Variants in OTUD7A observed in about 807,000 individuals in gnomAD.
OTUD7A encodes the protein OTU deubiquitinase 7A.
In OTUD7A, 12 loss-of-function variants were observed where a neutral mutation model predicts 65.7. The ratio of observed to expected loss-of-function variants is 0.18; its 90% CI spans 0.12 to 0.30. The LOEUF (loss-of-function observed/expected upper bound fraction) is 0.30, where lower values mean the gene tolerates loss of function less well. Among genes scored for constraint, OTUD7A ranks in the 10% least tolerant of loss-of-function variants. The probability of loss-of-function intolerance (pLI) is 1.00; values close to 1 mark genes in which losing one functional copy is unlikely to be tolerated. For synonymous variants in OTUD7A, 641 were observed against 586.3 expected (o/e 1.09, Z -1.35); for missense variants, 1,148 against 1,304.8 (o/e 0.88, Z 1.85).
intron 3 of OTUD7A, among the ~76,000 whole-genome samples, chr15:31,587,085 C>T (rs1449992964): frequency 6.6e-6 from 1 of 152,196 alleles, no homozygotes; most frequent in African/African-American, 2.4e-5. Flanking sequence ...CCAAGCCTAA[C>T]ACAGCCTAAG....
At chr15:31,831,831 A>G (rs1256335145) in intron 1 of OTUD7A, among the ~76,000 whole-genome samples, 1 of 152,254 alleles carries the variant, frequency 6.6e-6, no homozygotes, top group Non-Finnish European at 1.5e-5. Flanking sequence ...CTGATAAAGC[A>G]GCGGCACAGA....
chr15:31,515,969 C>A (rs141176907), intron 8 of OTUD7A, among the ~76,000 whole-genome samples: 1 of 151,120 alleles, frequency 6.6e-6, no homozygotes, highest in Non-Finnish European at 1.5e-5. Flanking sequence ...CACCCACCTA[C>A]GCACGCATCC....
intron 1 of OTUD7A, among the ~76,000 whole-genome samples, chr15:31,729,078 A>G (rs1179332318): frequency 1.3e-5 from 2 of 152,256 alleles, no homozygotes; most frequent in Non-Finnish European, 2.9e-5. Flanking sequence ...GTATGTTGTG[A>G]TAATTATTTC....
intron 3 of OTUD7A, among the ~76,000 whole-genome samples, chr15:31,580,447 T>C (rs576367312): frequency 3.3e-5 from 5 of 152,350 alleles, no homozygotes; most frequent in Middle Eastern, 3.4e-3. Flanking sequence ...TCTGGTTGCA[T>C]AGCAGAGACT....
chr15:31,643,021 A>G (rs1296937393), intron 3 of OTUD7A, among the ~76,000 whole-genome samples: 1 of 151,200 alleles, frequency 6.6e-6, no homozygotes, highest in Non-Finnish European at 1.5e-5. Context: ...TAACTTATAC[A>G]TTTTCTTATA....
chr15:31,683,373 C>A (rs1314536371), intron 1 of OTUD7A, among the ~76,000 whole-genome samples: 1 of 152,138 alleles, frequency 6.6e-6, no homozygotes, highest in African/African-American at 2.4e-5. Context: ...ACTTTATGAC[C>A]TAATAATCTA....
intron 3 of OTUD7A, among the ~76,000 whole-genome samples, chr15:31,590,516 C>G (rs918511919): frequency 6.6e-6 from 1 of 151,924 alleles, no homozygotes; most frequent in Non-Finnish European, 1.5e-5. Context: ...ATGGAAATAC[C>G]TTACACACAC....
chr15:31,699,224 C>A (rs892999490), intron 1 of OTUD7A, among the ~76,000 whole-genome samples: 3 of 151,740 alleles, frequency 2.0e-5, no homozygotes, highest in African/African-American at 7.3e-5. Context: ...GGACTACAGG[C>A]GCCCGCCACC....
chr15:31,551,511 A>G (rs903264052), intron 5 of OTUD7A, among the ~76,000 whole-genome samples: 1 of 152,242 alleles, frequency 6.6e-6, no homozygotes, highest in South Asian at 2.1e-4. Flanking sequence ...GGGAGCTATT[A>G]GTCACTTATT....
At chr15:31,634,993 G>A (rs1271366569) in intron 3 of OTUD7A, among the ~76,000 whole-genome samples, 3 of 152,206 alleles carry the variant, frequency 2.0e-5, no homozygotes, top group African/African-American at 4.8e-5. Context: ...GGATGTGACA[G>A]GAAGGAAATC....
At chr15:31,557,207 C>T (rs191220760) in intron 5 of OTUD7A, 31 of 152,436 alleles carry the variant, frequency 2.0e-4, no homozygotes, top group African/African-American at 7.0e-4. Flanking sequence ...TTTGTCTAAA[C>T]GCATCTTGTG....
intron 1 of OTUD7A, among the ~76,000 whole-genome samples, chr15:31,723,253 T>C (rs1893791698): frequency 1.3e-5 from 2 of 152,164 alleles, no homozygotes; most frequent in African/African-American, 4.8e-5. Context: ...ACTCAGCTGA[T>C]GGCGCAGCTC....
Position 31,498,607 on chromosome 15 carries a change from A to G in OTUD7A, c.1171+3083T>C, listed in dbSNP as rs116709373. 2.5e-3 allele frequency among the ~76,000 whole-genome samples: 380 copies of G among 152,270 alleles called. 1 individual carries two copies. Among genetic ancestry groups the G allele is most frequent in the African/African-American group, 8.9e-3 (369 of 41,544 alleles). ...AGGAACTGACCTGAGCTGGGTGCTG[A>G]GAGAATGCCCAGATCTGGGTTTCAC... On this transcript the variant is annotated intron_variant, in intron 10 of 12. Coordinates refer to ENST00000307050, the MANE Select transcript of OTUD7A (RefSeq NM_001382637.1). The surrounding 1 kb of genome is among the most constrained non-coding windows in gnomAD (Gnocchi z 4.2).
At chr15:31,849,308 T>G (rs930663291) in intron 1 of OTUD7A, among the ~76,000 whole-genome samples, 6 of 152,162 alleles carry the variant, frequency 3.9e-5, no homozygotes, top group Non-Finnish European at 8.8e-5. Context: ...AGGGAAAGGA[T>G]TCTCTATTTA....
chr15:31,860,622 GAT>G (rs71113426), intron 1 of OTUD7A, among the ~76,000 whole-genome samples: 1 of 26,852 alleles, frequency 3.7e-5, no homozygotes, highest in African/African-American at 8.3e-5. Context: ...CAGAAGTGGA[GAT>G]ATATATATAT....
chr15:31,813,727 C>T (rs1388528228), intron 1 of OTUD7A, among the ~76,000 whole-genome samples: 3 of 152,210 alleles, frequency 2.0e-5, no homozygotes, highest in Non-Finnish European at 4.4e-5. Flanking sequence ...ATTTTAACAT[C>T]ATGAAACATA....
rs191091947 is a variant in OTUD7A at position 31,535,853 on chromosome 15, T to A, written c.551-5045A>T. Reference sequence around the variant, plus strand: ...CACCACGCCTGGCTAATTTTTTGTATTTTTTTTTAGTAGAGACGGGGTTTC... The same window carrying A: ...CACCACGCCTGGCTAATTTTTTGTAATTTTTTTTAGTAGAGACGGGGTTTC... On this transcript the variant is annotated intron_variant, in intron 5 of 12. Coordinates refer to ENST00000307050, the MANE Select transcript of OTUD7A (RefSeq NM_001382637.1). 4.2e-3 allele frequency among the ~76,000 whole-genome samples: 511 copies of A among 122,794 alleles called. 4 individuals are homozygous for A. Among genetic ancestry groups the A allele is most frequent in the African/African-American group, 0.015 (491 of 32,412 alleles). 80.6% of individuals were successfully genotyped at this position (122,794 alleles called of 152,430 possible). A position where few individuals can be genotyped will look rare whatever the true frequency, so the allele number is the denominator to read the frequency against.
intron 5 of OTUD7A, among the ~76,000 whole-genome samples, chr15:31,535,350 C>G (rs1387628537): frequency 6.6e-6 from 1 of 152,142 alleles, no homozygotes; most frequent in East Asian, 1.9e-4. Context: ...GCCTACTTCC[C>G]CTTCCCCTTC....
chr15:31,811,485 C>T (rs559422782), intron 1 of OTUD7A, among the ~76,000 whole-genome samples: 2 of 151,574 alleles, frequency 1.3e-5, no homozygotes, highest in South Asian at 2.1e-4. Flanking sequence ...ATGTGTGTAG[C>T]GTGATGTGTA....
Sources: gnomAD v4.1 joint callset for allele counts (sites outside exome capture counted in the v4.1 genomes callset) on GRCh38, gnomAD v4.1.1 for gene constraint, Gnocchi (gnomAD v3.1) non-coding constraint, MANE v1.5 for transcripts, NCBI Gene and HGNC (gene_info 2026-07-23, HGNC 2026-07-21) for gene names.